TBL1Y: variants seen among roughly 807,000 people sequenced by gnomAD.
TBL1Y encodes the protein F-box-like/WD repeat-containing protein TBL1Y.
TBL1Y carries 15 observed loss-of-function variants against 12.0 expected under a neutral mutation model. The observed-to-expected ratio is 1.25, with a 90% CI of 0.83 to 1.92. The LOEUF (loss-of-function observed/expected upper bound fraction) is 1.92. Among genes scored for constraint, TBL1Y ranks in the 40% most tolerant of loss-of-function variants. The pLI is 0.00. For synonymous variants in TBL1Y, 53 were observed against 42.6 expected, an observed-to-expected ratio of 1.24 and a Z score of -0.95; for missense variants, 148 against 116.7, an observed-to-expected ratio of 1.27 and a Z score of -1.24.
At chrY:6,958,440 AG>A (rs2012082063) in intron 2 of TBL1Y, among the ~76,000 whole-genome samples, 1 of 33,147 alleles carries the variant, frequency 3.0e-5, no homozygotes, top group Non-Finnish European at 7.5e-5. Flanking sequence ...GGGTGTTTCT[AG>A]TCGGATGGGA....
intron 2 of TBL1Y, among the ~76,000 whole-genome samples, chrY:6,961,324 C>CAGCTAA (rs2012123895): frequency 3.2e-5 from 1 of 31,272 alleles, no homozygotes; most frequent in Non-Finnish European, 7.8e-5. Context: ...TAGCTGGGCC[C>CAGCTAA]AGGTCGGCGG....
Position 7,053,718 on chromosome Y carries a change from C to G in TBL1Y, c.205-10179C>G. Among the ~76,000 whole-genome samples the G allele has an allele frequency of 2.1e-4, 7 of 33,876 alleles. No individual in the cohort carries two copies. The South Asian group carries it at 4.7e-3, about 23-fold the overall frequency. 90.9% of individuals were successfully genotyped at this position (33,876 alleles called of 37,273 possible). A position where few individuals can be genotyped will look rare whatever the true frequency, so the allele number is the denominator to read the frequency against. On this transcript the variant is annotated intron_variant, in intron 7 of 18. Coordinates refer to ENST00000383032, the MANE Select transcript of TBL1Y (RefSeq NM_033284.2). Reference sequence around the variant, plus strand: ...ATATTTTTTTAAAAAAGTCCATCTCCCTTCTGGGCAGGGCAGTTATAACTT... The same window carrying G: ...ATATTTTTTTAAAAAAGTCCATCTCGCTTCTGGGCAGGGCAGTTATAACTT...
chrY:6,985,470 A>G (rs946627200), intron 3 of TBL1Y, among the ~76,000 whole-genome samples: 1 of 32,743 alleles, frequency 3.1e-5, no homozygotes, highest in South Asian at 7.4e-4. Flanking sequence ...CCTCCAGTGC[A>G]CAGGACGGGC....
chrY:7,030,287 T>A, intron 6 of TBL1Y, among the ~76,000 whole-genome samples: 1 of 34,047 alleles, frequency 2.9e-5, no homozygotes. Flanking sequence ...AGAACACTCA[T>A]GAAGTTTGAT....
At chrY:7,090,928 C>A in intron 18 of TBL1Y, among the ~76,000 whole-genome samples, 1 of 33,696 alleles carries the variant, frequency 3.0e-5, no homozygotes, top group Non-Finnish European at 7.4e-5. Flanking sequence ...ATGAACAGGG[C>A]AGTCCCAGTT....
chrY:6,926,701 T>G, intron 2 of TBL1Y, among the ~76,000 whole-genome samples: 1 of 33,052 alleles, frequency 3.0e-5, no homozygotes, highest in African/African-American at 1.2e-4. Flanking sequence ...GCCTCCCGGG[T>G]TCAAGCAATT....
chrY:6,943,826 G>A, intron 2 of TBL1Y, among the ~76,000 whole-genome samples: 1 of 33,925 alleles, frequency 2.9e-5, no homozygotes, highest in East Asian at 7.8e-4. Context: ...TATCTGTGTA[G>A]CCTCATTGCC....
chrY:6,963,963 C>A, intron 2 of TBL1Y, among the ~76,000 whole-genome samples: 1 of 34,051 alleles, frequency 2.9e-5, no homozygotes, highest in East Asian at 7.8e-4. Flanking sequence ...CAGTGTTTTT[C>A]TTTTCCACAT....
intron 4 of TBL1Y, among the ~76,000 whole-genome samples, chrY:7,018,408 G>A (rs2012565358): frequency 3.0e-5 from 1 of 33,035 alleles, no homozygotes; most frequent in Non-Finnish European, 7.4e-5. Flanking sequence ...GGGTAGAAAA[G>A]GTATTATGTG....
intron 3 of TBL1Y, among the ~76,000 whole-genome samples, chrY:6,984,519 T>C (rs771479676): frequency 3.0e-5 from 1 of 33,326 alleles, no homozygotes; most frequent in African/African-American, 1.2e-4. Flanking sequence ...GGGCACTCTG[T>C]TCTGACCACC....
At chrY:7,069,149 C>G (rs2013006455) in intron 8 of TBL1Y, among the ~76,000 whole-genome samples, 1 of 32,885 alleles carries the variant, frequency 3.0e-5, no homozygotes. Flanking sequence ...TAATTCCTCA[C>G]CATATCGTGA....
At chrY:7,018,691 A>T (rs2012566748) in intron 4 of TBL1Y, among the ~76,000 whole-genome samples, 2 of 32,512 alleles carry the variant, frequency 6.2e-5, no homozygotes, top group African/African-American at 2.4e-4. Flanking sequence ...AGCAACCCCC[A>T]TGAGCACAAG....
chrY:7,050,842 C>T (rs1451979254), intron 7 of TBL1Y, among the ~76,000 whole-genome samples: 13 of 30,935 alleles, frequency 4.2e-4, no homozygotes, highest in Non-Finnish European at 6.9e-4. Context: ...CACACACACA[C>T]ACACACACAC....
intron 17 of TBL1Y, among the ~76,000 whole-genome samples, chrY:7,088,861 G>A: frequency 3.0e-5 from 1 of 33,640 alleles, no homozygotes; most frequent in Non-Finnish European, 7.3e-5. Flanking sequence ...TACCTTTAAA[G>A]AGCCCAGTTG....
Position 7,064,021 on chromosome Y carries a change from C to A in TBL1Y, c.329C>A (p.Ala110Glu). Residue 110 changes from alanine (A) to glutamate (E), a missense_variant, in exon 8 of 19, where the codon GCA (alanine) becomes GAA (glutamate). By Grantham distance (107) the Ala-to-Glu change is moderately radical. Transcript: ENST00000383032. The stretch of plus-strand genomic sequence containing the variant: ...AAGCTCACTCAGCAGCAAGCCAGTG[C>A]AGCAGCCACAGAGGCATCAGCAATG... ...GEKLTQQQAS[A>E]AATEASAMAK... is the part of the protein sequence containing the mutation. The A allele has an allele frequency of 2.5e-6, 1 of 398,601 alleles. No homozygotes were observed. Among genetic ancestry groups the A allele is most frequent in the Non-Finnish European group, 3.5e-6 (1 of 283,571 alleles).
At chrY:7,060,888 G>A (rs1177056910) in intron 7 of TBL1Y, among the ~76,000 whole-genome samples, 10 of 31,813 alleles carry the variant, frequency 3.1e-4, no homozygotes, top group Non-Finnish European at 6.1e-4. Context: ...CTGTCACCCC[G>A]AAGGAACCAT....
intron 6 of TBL1Y, 61 bp downstream of exon 6, chrY:7,025,203 A>G: frequency 6.0e-6 from 2 of 333,148 alleles, no homozygotes; most frequent in Non-Finnish European, 8.9e-6. Flanking sequence ...GAGCAGAATG[A>G]TCAACCCTTG....
At chrY:7,058,806 C>T (rs536151187) in intron 7 of TBL1Y, among the ~76,000 whole-genome samples, 4 of 33,078 alleles carry the variant, frequency 1.2e-4, no homozygotes, top group East Asian at 7.9e-4. Flanking sequence ...ATCAAAGAAA[C>T]GCATTTCAAA....
intron 4 of TBL1Y, among the ~76,000 whole-genome samples, chrY:7,001,602 C>G (rs2012452057): frequency 3.2e-5 from 1 of 31,416 alleles, no homozygotes. Flanking sequence ...CTGGGCAACA[C>G]AGCGAGACTC....
Sources: allele counts gnomAD v4.1 joint callset (sites outside exome capture counted in the v4.1 genomes callset), GRCh38; gene constraint gnomAD v4.1.1; transcripts MANE v1.5; gene names NCBI Gene and HGNC (gene_info 2026-07-23, HGNC 2026-07-21).